DLG2: variants seen among roughly 807,000 people sequenced by gnomAD.
DLG2 encodes disks large homolog 2.
A neutral mutation model predicts 132.5 loss-of-function variants in DLG2; 45 were observed. The observed-to-expected ratio is 0.34, with a 90% CI of 0.27 to 0.44. The LOEUF is 0.44. Among genes scored for constraint, DLG2 ranks in the 20% least tolerant of loss-of-function variants. DLG2 has a pLI of 1.00. For synonymous variants in DLG2, 424 were observed against 419.6 expected (o/e 1.01, Z -0.13); for missense variants, 1,045 against 1,196.9 (o/e 0.87, Z 1.87).
At position 84,921,530 on chromosome 11, in the gene DLG2, C is replaced by T. The variant is rs143002482; in HGVS notation, c.357+190131G>A. On this transcript the variant is annotated intron_variant, in intron 6 of 27. Transcript: ENST00000376104. ...AAATGTAAAGCTAAATTCATAAAGACGACTGTTAGTAGGTAAGAGTAAAAA... is the reference window on the plus strand; with the variant it reads ...AAATGTAAAGCTAAATTCATAAAGATGACTGTTAGTAGGTAAGAGTAAAAA... Among the ~76,000 whole-genome samples the T allele has an allele frequency of 2.9e-3, 440 of 152,172 alleles. 2 individuals are homozygous for T. The highest frequency in any genetic ancestry group is 9.1e-3 in the African/African-American group (379 of 41,528).
At chr11:85,101,859 T>C (rs191238073) in intron 6 of DLG2, among the ~76,000 whole-genome samples, 28 of 152,156 alleles carry the variant, frequency 1.8e-4, no homozygotes, top group Admixed American at 9.8e-4. Flanking sequence ...ATTCCTTCAG[T>C]TCTGAATGGT....
intron 7 of DLG2, among the ~76,000 whole-genome samples, chr11:84,374,628 T>C (rs919890848): frequency 6.6e-6 from 1 of 152,160 alleles, no homozygotes; most frequent in African/African-American, 2.4e-5. Flanking sequence ...TGTCACCTTG[T>C]TGGGCATTCT....
At chr11:83,760,186 G>C (rs1391656603) in intron 18 of DLG2, among the ~76,000 whole-genome samples, 1 of 152,160 alleles carries the variant, frequency 6.6e-6, no homozygotes, top group Non-Finnish European at 1.5e-5. Flanking sequence ...GACATGCTCA[G>C]TTCATTAAAA....
At chr11:84,069,033 T>C (rs556493618) in intron 10 of DLG2, among the ~76,000 whole-genome samples, 1 of 152,242 alleles carries the variant, frequency 6.6e-6, no homozygotes, top group East Asian at 1.9e-4. Flanking sequence ...CCAAGCCAAG[T>C]AACAAAATCT....
At chr11:84,873,414 T>A (rs893053046) in intron 6 of DLG2, among the ~76,000 whole-genome samples, 6 of 152,226 alleles carry the variant, frequency 3.9e-5, no homozygotes, top group Non-Finnish European at 8.8e-5. Context: ...AAGACTCATT[T>A]TTGACTTCTG....
intron 4 of DLG2, among the ~76,000 whole-genome samples, chr11:85,265,262 T>C (rs972097601): frequency 2.0e-5 from 3 of 152,238 alleles, no homozygotes; most frequent in African/African-American, 7.2e-5. Flanking sequence ...GACACTGTCA[T>C]ATACATAACT....
chr11:83,671,966 T>G (rs985710520), intron 18 of DLG2, among the ~76,000 whole-genome samples: 1 of 152,126 alleles, frequency 6.6e-6, no homozygotes, highest in South Asian at 2.1e-4. Context: ...GTTTCCCCTA[T>G]GTCTCTTTTT....
At chr11:85,522,461 C>T (rs2074391156) in intron 3 of DLG2, among the ~76,000 whole-genome samples, 1 of 152,158 alleles carries the variant, frequency 6.6e-6, no homozygotes, top group African/African-American at 2.4e-5. Flanking sequence ...TAGGGCACTG[C>T]CTAGTGGAGC....
intron 6 of DLG2, among the ~76,000 whole-genome samples, chr11:85,044,409 C>G (rs1224021174): frequency 1.3e-5 from 2 of 152,002 alleles, no homozygotes; most frequent in Non-Finnish European, 2.9e-5. Flanking sequence ...TAAATGTTAA[C>G]TGTCTTGAGA....
At chr11:85,550,865 A>G (rs952156429) in intron 3 of DLG2, among the ~76,000 whole-genome samples, 5 of 152,254 alleles carry the variant, frequency 3.3e-5, no homozygotes, top group African/African-American at 1.2e-4. Context: ...CTCTGGCATG[A>G]TGAACATTAG....
intron 3 of DLG2, among the ~76,000 whole-genome samples, chr11:85,495,754 C>A (rs1035661083): frequency 2.0e-5 from 3 of 152,148 alleles, no homozygotes; most frequent in African/African-American, 7.2e-5. Flanking sequence ...CCAGAAATAC[C>A]ATTTGACCCA....
intron 7 of DLG2, among the ~76,000 whole-genome samples, chr11:84,444,562 C>T (rs906129028): frequency 8.6e-5 from 13 of 151,680 alleles, no homozygotes; most frequent in African/African-American, 3.2e-4. Flanking sequence ...TTCTAATGTC[C>T]CTGAGTTATA....
chr11:84,933,047 T>C (rs2048285289), intron 6 of DLG2, among the ~76,000 whole-genome samples: 1 of 152,236 alleles, frequency 6.6e-6, no homozygotes, highest in African/African-American at 2.4e-5. Flanking sequence ...TTTTTAATAA[T>C]TGCCATTCTG....
chr11:84,640,010 C>T (rs2099653842), intron 6 of DLG2: 1 of 257,702 alleles, frequency 3.9e-6, no homozygotes, highest in African/African-American at 2.3e-5. Context: ...CTATTCTCAG[C>T]AATCAGACTG....
At chr11:85,361,753 T>C (rs1405732682) in intron 3 of DLG2, among the ~76,000 whole-genome samples, 1 of 152,240 alleles carries the variant, frequency 6.6e-6, no homozygotes, top group Non-Finnish European at 1.5e-5. Context: ...CCAACTTTGA[T>C]CTTTTAGCTC....
intron 17 of DLG2, chr11:83,791,477 A>G (rs2153900982): frequency 4.3e-6 from 3 of 700,210 alleles, no homozygotes; most frequent in Non-Finnish European, 5.3e-6. Context: ...TTCCAAAGTC[A>G]CTGGCTAGCG....
intron 6 of DLG2, among the ~76,000 whole-genome samples, chr11:84,780,182 C>T (rs1466371362): frequency 1.3e-5 from 2 of 152,028 alleles, no homozygotes; most frequent in Non-Finnish European, 2.9e-5. Flanking sequence ...AAAGATTATA[C>T]ACCATGATCA....
intron 8 of DLG2, among the ~76,000 whole-genome samples, chr11:84,217,291 T>G (rs2096848787): frequency 6.6e-6 from 1 of 152,086 alleles, no homozygotes; most frequent in African/African-American, 2.4e-5. Context: ...GTTGTTGGAG[T>G]GACTTGGCGG....
At chr11:83,500,273 C>G (rs180934997) in intron 21 of DLG2, among the ~76,000 whole-genome samples, 2 of 151,900 alleles carry the variant, frequency 1.3e-5, no homozygotes, top group Non-Finnish European at 2.9e-5. Flanking sequence ...GTATCTAGGA[C>G]GGAGGATCCT....
Sources: allele counts gnomAD v4.1 joint callset (sites outside exome capture counted in the v4.1 genomes callset), GRCh38; gene constraint gnomAD v4.1.1; transcripts MANE v1.5; gene names NCBI Gene and HGNC (gene_info 2026-07-23, HGNC 2026-07-21).